PPARGC1A: variants seen among roughly 807,000 people sequenced by gnomAD.
PPARGC1A encodes the protein peroxisome proliferator-activated receptor gamma coactivator 1-alpha.
Under a neutral mutation model 88.7 loss-of-function variants are expected in PPARGC1A, and 25 were observed. The observed-to-expected ratio is 0.28, with a 90% CI of 0.21 to 0.39. The LOEUF (loss-of-function observed/expected upper bound fraction) is 0.39, where lower values mean the gene tolerates loss of function less well. PPARGC1A is among the 10% of genes least tolerant of loss of function. The pLI is 1.00. For missense variants in PPARGC1A, 880 were observed against 968.7 expected (o/e 0.91, Z 1.22); for synonymous variants, 363 against 355.6 (o/e 1.02, Z -0.24).
the PPARGC1A span, among the ~76,000 whole-genome samples, chr4:24,135,925 A>C: frequency 6.6e-6 from 1 of 152,178 alleles, no homozygotes; most frequent in East Asian, 1.9e-4. Context: ...ACACTTCTCA[A>C]ACTTACCTGG....
chr4:24,073,376 A>G, the PPARGC1A span, among the ~76,000 whole-genome samples: 3 of 152,228 alleles, frequency 2.0e-5, no homozygotes, highest in South Asian at 4.1e-4. Context: ...TCTGCACTCA[A>G]TGATCAAAGA....
the PPARGC1A span, among the ~76,000 whole-genome samples, chr4:23,930,042 A>G: frequency 6.6e-6 from 1 of 152,172 alleles, no homozygotes; most frequent in Non-Finnish European, 1.5e-5. Flanking sequence ...ACCCCACTCC[A>G]GGGTGCCACG....
intron 2 of PPARGC1A, among the ~76,000 whole-genome samples, chr4:23,872,930 A>G (rs1194220652): frequency 6.6e-6 from 1 of 152,096 alleles, no homozygotes; most frequent in Admixed American, 6.5e-5. Context: ...AGTGGCTCAC[A>G]CCTGTAATCC....
At chr4:24,040,433 C>T in the PPARGC1A span, among the ~76,000 whole-genome samples, 1 of 152,186 alleles carries the variant, frequency 6.6e-6, no homozygotes, top group African/African-American at 2.4e-5. Flanking sequence ...AAATTGACTT[C>T]AAAACATCTC....
At chr4:24,431,760 A>C in the PPARGC1A span, among the ~76,000 whole-genome samples, 2 of 152,216 alleles carry the variant, frequency 1.3e-5, no homozygotes, top group Non-Finnish European at 2.9e-5. Flanking sequence ...AATCTCCAGA[A>C]GCTAGAATAG....
the PPARGC1A span, among the ~76,000 whole-genome samples, chr4:24,086,452 C>T: frequency 6.6e-6 from 1 of 152,200 alleles, no homozygotes; most frequent in African/African-American, 2.4e-5. Context: ...CTTGAATTGT[C>T]TTCCCAGTTC....
chr4:24,226,420 A>G, the PPARGC1A span, among the ~76,000 whole-genome samples: 1 of 152,114 alleles, frequency 6.6e-6, no homozygotes, highest in African/African-American at 2.4e-5. Context: ...CACCATTAAT[A>G]AGGAGGATTA....
At chr4:24,380,505 G>C in the PPARGC1A span, among the ~76,000 whole-genome samples, 66,779 of 150,920 alleles carry the variant, frequency 0.44, 15,835 homozygotes, top group African/African-American at 0.65. Flanking sequence ...ATGTGTAGAT[G>C]ATACTGGGAA....
chr4:23,799,685 G>A (rs1245000906), intron 12 of PPARGC1A, among the ~76,000 whole-genome samples: 7 of 152,112 alleles, frequency 4.6e-5, no homozygotes, highest in Admixed American at 3.3e-4. Context: ...TATTGCTGCC[G>A]GCTAGGCAGG....
chr4:23,878,454 C>T (rs1181216102), intron 2 of PPARGC1A, among the ~76,000 whole-genome samples: 4 of 151,852 alleles, frequency 2.6e-5, no homozygotes, highest in Non-Finnish European at 5.9e-5. Context: ...GGTCACGTAA[C>T]CTGCATCCTG....
chr4:23,813,891 T>C lies in PPARGC1A; in HGVS notation c.1592A>G (p.Tyr531Cys), dbSNP rs1340837383. ...AGAAGGAGACACATTGAACAATGAA[T>C]AGGATTGCGTGCCATCCCAAGGGTA... ...LSYPWDGTQS[Y>C]SLFNVSPSCS... Residue 531 changes from tyrosine (Y) to cysteine (C), a missense_variant, in exon 8 of 13, where the codon TAT (tyrosine) becomes TGT (cysteine). Transcript: ENST00000264867. 3 of 1,613,866 alleles carry C rather than the reference T, an allele frequency of 1.9e-6. No homozygotes were observed. The highest frequency in any genetic ancestry group is 1.7e-6 in the Non-Finnish European group (2 of 1,179,896).
chr4:24,295,008 C>T, the PPARGC1A span, among the ~76,000 whole-genome samples: 3 of 152,212 alleles, frequency 2.0e-5, no homozygotes, highest in Non-Finnish European at 4.4e-5. Context: ...TCATGGGCAA[C>T]TGATTGTGCT....
chr4:24,106,061 G>T, the PPARGC1A span, among the ~76,000 whole-genome samples: 1 of 152,042 alleles, frequency 6.6e-6, no homozygotes, highest in Non-Finnish European at 1.5e-5. Context: ...CTTCTTTCTG[G>T]TGCCTTCCAA....
chr4:24,003,584 A>G, the PPARGC1A span, among the ~76,000 whole-genome samples: 2 of 152,124 alleles, frequency 1.3e-5, no homozygotes, highest in African/African-American at 2.4e-5. Context: ...ATCTTCCCAG[A>G]AAGCATTTTA....
At chr4:23,955,363 A>G in the PPARGC1A span, among the ~76,000 whole-genome samples, 96 of 152,240 alleles carry the variant, frequency 6.3e-4, no homozygotes, top group South Asian at 5.0e-3. Flanking sequence ...GTTATAATGA[A>G]TAACAAATTC....
chr4:24,258,592 A>C, the PPARGC1A span, among the ~76,000 whole-genome samples: 1 of 152,194 alleles, frequency 6.6e-6, no homozygotes, highest in African/African-American at 2.4e-5. Context: ...AAAAATTCCC[A>C]TATCCATTTT....
chr4:24,358,452 A>G, the PPARGC1A span, among the ~76,000 whole-genome samples: 1 of 152,204 alleles, frequency 6.6e-6, no homozygotes, highest in Non-Finnish European at 1.5e-5. Flanking sequence ...GCCCCAGCCC[A>G]TGCTCCTAAA....
the PPARGC1A span, among the ~76,000 whole-genome samples, chr4:24,252,288 T>C: frequency 1.3e-5 from 2 of 152,198 alleles, no homozygotes; most frequent in African/African-American, 2.4e-5. Context: ...CCAGATCTAC[T>C]GAATCAGAAT....
the PPARGC1A span, among the ~76,000 whole-genome samples, chr4:24,270,353 G>GTA: frequency 2.1e-5 from 3 of 141,994 alleles, no homozygotes; most frequent in East Asian, 2.2e-4. Context: ...GTGTGTGTGT[G>GTA]TGTATGTGTG....
Sources: allele counts gnomAD v4.1 joint callset (sites outside exome capture counted in the v4.1 genomes callset), GRCh38; gene constraint gnomAD v4.1.1; transcripts MANE v1.5; gene names NCBI Gene and HGNC (gene_info 2026-07-23, HGNC 2026-07-21).